Variants in KLC1 observed in about 807,000 individuals in gnomAD.
The protein encoded by KLC1 is kinesin light chain 1.
Under a neutral mutation model 84.2 loss-of-function variants are expected in KLC1, and 30 were observed. The observed-to-expected ratio is 0.36, with a 90% CI of 0.27 to 0.48. The LOEUF (loss-of-function observed/expected upper bound fraction) is 0.48, where lower values mean the gene tolerates loss of function less well. Among genes scored for constraint, KLC1 ranks in the 20% least tolerant of loss-of-function variants. KLC1 has a pLI of 0.99. For synonymous variants in KLC1, 289 were observed against 293.3 expected (o/e 0.99, Z 0.15); for missense variants, 499 against 805.4 (o/e 0.62, Z 4.60).
chr14:103,647,541 T>G (rs1352662726), intron 1 of KLC1, among the ~76,000 whole-genome samples: 1 of 152,020 alleles, frequency 6.6e-6, no homozygotes, highest in Non-Finnish European at 1.5e-5. Context: ...GAAACTTTTT[T>G]GTTATTGTTT....
chr14:103,659,124 C>T (rs2079076120), intron 3 of KLC1, among the ~76,000 whole-genome samples: 1 of 151,880 alleles, frequency 6.6e-6, no homozygotes, highest in South Asian at 2.1e-4. Flanking sequence ...ATTACAGGTG[C>T]GTACCGCCAC....
chr14:103,652,408 C>T (rs2078522785), intron 1 of KLC1, among the ~76,000 whole-genome samples: 1 of 152,072 alleles, frequency 6.6e-6, no homozygotes, highest in Non-Finnish European at 1.5e-5. Flanking sequence ...CCTGGCACAC[C>T]ATGGATTTGC....
At chr14:103,643,393 T>C (rs1186041011) in intron 1 of KLC1, among the ~76,000 whole-genome samples, 3 of 152,154 alleles carry the variant, frequency 2.0e-5, no homozygotes, top group Non-Finnish European at 1.5e-5. Context: ...CTGAGCCAGG[T>C]GGTCGAGGCT....
intron 4 of KLC1, 26 bp from the exon 5 acceptor site, chr14:103,662,676 A>T (rs765522074): frequency 3.3e-6 from 5 of 1,513,228 alleles, no homozygotes; most frequent in Non-Finnish European, 4.4e-6. Flanking sequence ...TTAAAAACCC[A>T]TCTGAAGTGA....
intron 14 of KLC1, among the ~76,000 whole-genome samples, chr14:103,690,176 G>A (rs1281609335): frequency 2.7e-5 from 4 of 149,018 alleles, no homozygotes; most frequent in Non-Finnish European, 5.9e-5. Flanking sequence ...GTGAAACTTC[G>A]TCTCAAAAAA....
Position 103,679,552 on chromosome 14 carries a change from A to ACAGT in KLC1, c.1650+8_1650+11dup, listed in dbSNP as rs2081184761. ...GAGCGTAGAGTGGAACGGGGTAAGT[A>ACAGT]CAGTACACAGCGGGCACGTGCTCCG... On this transcript the variant is annotated splice_region_variant and intron_variant, in intron 13 of 16. Coordinates refer to ENST00000334553, the MANE Select transcript of KLC1 (RefSeq NM_001394837.1). 1 of 1,610,128 alleles carries ACAGT rather than the reference A, an allele frequency of 6.2e-7. No homozygotes were observed. The highest frequency in any genetic ancestry group is 1.1e-5 in the South Asian group (1 of 90,978).
At chr14:103,685,913 T>C (rs1215988779) in intron 13 of KLC1, 1 of 1,124,716 alleles carries the variant, frequency 8.9e-7, no homozygotes, top group Non-Finnish European at 1.1e-6. Flanking sequence ...AGTTTAAAAA[T>C]TAAGAGCGAT....
chr14:103,643,882 A>G (rs936409522), intron 1 of KLC1, among the ~76,000 whole-genome samples: 4 of 151,144 alleles, frequency 2.6e-5, no homozygotes, highest in African/African-American at 9.8e-5. Context: ...GCCCGAAGGC[A>G]TTTGTTTAAT....
intron 1 of KLC1, among the ~76,000 whole-genome samples, chr14:103,649,917 G>A (rs1321822822): frequency 6.6e-6 from 1 of 152,116 alleles, no homozygotes; most frequent in East Asian, 1.9e-4. Flanking sequence ...GGGTGGTCTC[G>A]ATCTCCTGAC....
At chr14:103,690,564 C>T (rs187074265) in intron 14 of KLC1, among the ~76,000 whole-genome samples, 1 of 152,350 alleles carries the variant, frequency 6.6e-6, no homozygotes, top group Admixed American at 6.5e-5. Context: ...CCTGTCACCC[C>T]TCAAGCCTGT....
intron 11 of KLC1, among the ~76,000 whole-genome samples, chr14:103,676,264 T>C (rs943241103): frequency 2.0e-4 from 30 of 152,040 alleles, no homozygotes; most frequent in African/African-American, 7.2e-4. Flanking sequence ...TTTGGCTGTC[T>C]TTCCACTCTA....
intron 1 of KLC1, among the ~76,000 whole-genome samples, chr14:103,633,379 A>C (rs976702566): frequency 6.6e-6 from 1 of 152,084 alleles, no homozygotes; most frequent in Admixed American, 6.6e-5. Flanking sequence ...GATTCTGAGG[A>C]GCCAGTTGCC....
At chr14:103,687,254 T>C (rs2151827479) in intron 14 of KLC1, 43 bp downstream of exon 14, 1 of 1,494,852 alleles carries the variant, frequency 6.7e-7, no homozygotes, top group Non-Finnish European at 9.0e-7. Flanking sequence ...GCACGCCGGC[T>C]GCTGGGCCGC....
intron 16 of KLC1, 121 bp downstream of exon 16, chr14:103,700,848 TG>T: frequency 2.4e-6 from 2 of 826,858 alleles, no homozygotes; most frequent in South Asian, 1.9e-5. Flanking sequence ...GCTGCCAGGC[TG>T]GGCCTCCAAG....
At position 103,694,458 on chromosome 14, in the gene KLC1, C is replaced by A; in HGVS notation, c.1848+2033C>A. On this transcript the variant is annotated intron_variant, in intron 15 of 16. Transcript: ENST00000334553. The surrounding 1 kb of genome is among the most constrained non-coding windows in gnomAD (Gnocchi z 4.5). ...CCATCCTGGCTAACATGGCGTTTCA[C>A]TTTTTAAAAGCTTAAGCTTTATGGA... is the stretch of plus-strand genomic sequence containing the variant. 1.0e-6 allele frequency: 1 copy of A among 985,442 alleles called. No individual in the cohort carries two copies. Among genetic ancestry groups the A allele is most frequent in the South Asian group, 4.7e-5 (1 of 21,290 alleles). The allele number at this position is 985,442 out of a possible 1,614,324, so 61.0% of individuals were successfully genotyped here. A position where few individuals can be genotyped will look rare whatever the true frequency, so the allele number is the denominator to read the frequency against.
At chr14:103,685,638 G>A (rs2081725854) in intron 13 of KLC1, 1 of 1,289,384 alleles carries the variant, frequency 7.8e-7, no homozygotes. Context: ...TGTCTGACAG[G>A]CCTAGCCGCC....
chr14:103,664,325 T>C (rs1460976399), intron 5 of KLC1, among the ~76,000 whole-genome samples: 1 of 151,862 alleles, frequency 6.6e-6, no homozygotes, highest in Non-Finnish European at 1.5e-5. Flanking sequence ...CTAACTTCTG[T>C]ATTTTTAGTA....
chr14:103,654,515 A>G, intron 1 of KLC1, 49 bp from the exon 2 acceptor site: 3 of 1,488,704 alleles, frequency 2.0e-6, no homozygotes, highest in Non-Finnish European at 2.7e-6. Flanking sequence ...TGTAACAGAA[A>G]TGAAACCTGT....
At chr14:103,680,050 C>T (rs1019983820) in intron 13 of KLC1, among the ~76,000 whole-genome samples, 1 of 152,214 alleles carries the variant, frequency 6.6e-6, no homozygotes, top group Admixed American at 6.5e-5. Flanking sequence ...TGTCCTGCCT[C>T]AGTCCTGAGC....
Sources: gnomAD v4.1 joint callset for allele counts (sites outside exome capture counted in the v4.1 genomes callset) on GRCh38, gnomAD v4.1.1 for gene constraint, Gnocchi (gnomAD v3.1) non-coding constraint, MANE v1.5 for transcripts, NCBI Gene and HGNC (gene_info 2026-07-23, HGNC 2026-07-21) for gene names.